Variants in CAMK1D observed in about 807,000 individuals in gnomAD.
CAMK1D encodes the protein calcium/calmodulin-dependent protein kinase type 1D.
CAMK1D carries 9 observed loss-of-function variants against 47.7 expected under a neutral mutation model. That is an observed-to-expected ratio of 0.19 (90% CI 0.11 to 0.33). The LOEUF (loss-of-function observed/expected upper bound fraction) is 0.33, where lower values mean the gene tolerates loss of function less well. Among genes scored for constraint, CAMK1D ranks in the 10% least tolerant of loss-of-function variants. CAMK1D has a pLI of 1.00. For missense variants in CAMK1D, 291 were observed against 488.7 expected (o/e 0.60, Z 3.81); for synonymous variants, 184 against 184.9 (o/e 0.99, Z 0.04).
chr10:12,666,169 TG>T (rs147262876), intron 2 of CAMK1D, among the ~76,000 whole-genome samples: 3,134 of 151,166 alleles, frequency 0.021, 130 homozygotes, highest in African/African-American at 0.073. Flanking sequence ...CATTTGGTAG[TG>T]GGGTGGGGTG....
intron 3 of CAMK1D, among the ~76,000 whole-genome samples, chr10:12,742,145 A>G (rs916968079): frequency 2.0e-5 from 3 of 152,054 alleles, no homozygotes; most frequent in Admixed American, 6.6e-5. Flanking sequence ...TGAGGTGTAT[A>G]TATATTTTTA....
chr10:12,441,693 C>G (rs2132013668), intron 1 of CAMK1D, among the ~76,000 whole-genome samples: 1 of 152,140 alleles, frequency 6.6e-6, no homozygotes, highest in Middle Eastern at 3.4e-3. Context: ...TGCCTGTAAT[C>G]CCAGCTACTC....
At chr10:12,599,550 A>G (rs1049256058) in intron 2 of CAMK1D, among the ~76,000 whole-genome samples, 5 of 152,204 alleles carry the variant, frequency 3.3e-5, no homozygotes, top group Non-Finnish European at 5.9e-5. Context: ...TGGCTCAGCA[A>G]TGCATTTGTG....
chr10:12,411,878 G>A (rs1359232647), intron 1 of CAMK1D, among the ~76,000 whole-genome samples: 2 of 151,798 alleles, frequency 1.3e-5, no homozygotes, highest in Non-Finnish European at 2.9e-5. Context: ...ACAGGCATGA[G>A]CCACTGTGCC....
rs182040118 is a variant in CAMK1D, at chr10:12,759,217, C to G, written c.300-1731C>G. On this transcript the variant is annotated intron_variant, in intron 3 of 10. Coordinates refer to ENST00000619168, the MANE Select transcript of CAMK1D (RefSeq NM_153498.4). ...TACAAAAATTAGCCGGGTGTGGTGG[C>G]ACGTACCTGTGGTCCCAGCTACTCA... 3.2e-3 allele frequency among the ~76,000 whole-genome samples: 488 copies of G among 152,242 alleles called. 3 individuals carry two copies. Among genetic ancestry groups the G allele is most frequent in the African/African-American group, 0.011 (471 of 41,540 alleles).
At chr10:12,701,988 C>T (rs767665333) in intron 3 of CAMK1D, among the ~76,000 whole-genome samples, 6 of 152,180 alleles carry the variant, frequency 3.9e-5, no homozygotes, top group African/African-American at 1.2e-4. Flanking sequence ...GGGCAGAGGG[C>T]GCAGTTATGA....
At chr10:12,826,970 G>A (rs530661250) in intron 10 of CAMK1D, among the ~76,000 whole-genome samples, 1 of 152,324 alleles carries the variant, frequency 6.6e-6, no homozygotes, top group South Asian at 2.1e-4. Context: ...AAGCTCAGTG[G>A]CGGCTGAGGC....
chr10:12,651,941 G>A (rs538847708), intron 2 of CAMK1D, among the ~76,000 whole-genome samples: 65 of 151,842 alleles, frequency 4.3e-4, no homozygotes, highest in East Asian at 2.0e-3. Flanking sequence ...ACCACGCCCC[G>A]CTAATTTTTT....
intron 8 of CAMK1D, among the ~76,000 whole-genome samples, chr10:12,823,945 G>A (rs1302637513): frequency 6.6e-6 from 1 of 151,948 alleles, no homozygotes; most frequent in African/African-American, 2.4e-5. Flanking sequence ...TGGTGCCCTG[G>A]GAGCAGCGCC....
In CAMK1D at chr10:12,789,551, C is replaced by T. The variant is rs535634498; in HGVS notation, c.566-1607C>T. On this transcript the variant is annotated intron_variant, in intron 5 of 10. Transcript: ENST00000619168. Reference sequence around the variant, plus strand: ...GAGTTCAAAGGATTGTAGCAGAAAACATTTATGAATGACTCACTCAGGACC... The same window carrying T: ...GAGTTCAAAGGATTGTAGCAGAAAATATTTATGAATGACTCACTCAGGACC... Among the ~76,000 whole-genome samples, 8 of 152,314 alleles carry T rather than the reference C, an allele frequency of 5.3e-5. No homozygotes were observed. The South Asian group carries it at 1.4e-3, about 28-fold the overall frequency.
In CAMK1D at chr10:12,828,893, C is replaced by G; in HGVS notation, c.*6C>G. 1 of 1,603,434 alleles carries G rather than the reference C, an allele frequency of 6.2e-7. No homozygotes were observed. On this transcript the variant is annotated 3_prime_UTR_variant, in exon 11 of 11. Coordinates refer to ENST00000619168, the MANE Select transcript of CAMK1D (RefSeq NM_153498.4). ...TGCACTCTGGAAGCAAGTGACTGGC[C>G]CTGGAGGTGGGGCCCGGGGTCGGGG... is the stretch of plus-strand genomic sequence containing the variant.
chr10:12,686,533 G>A (rs1488429747), intron 3 of CAMK1D, among the ~76,000 whole-genome samples: 1 of 151,870 alleles, frequency 6.6e-6, no homozygotes, highest in Non-Finnish European at 1.5e-5. Context: ...CATGTTGGTC[G>A]GGCTGGTCTG....
chr10:12,677,910 G>C (rs1287331570), intron 3 of CAMK1D, among the ~76,000 whole-genome samples: 2 of 152,126 alleles, frequency 1.3e-5, no homozygotes. Flanking sequence ...CAATACCTCT[G>C]GTTGCTACTG....
At chr10:12,455,465 T>C (rs1371977395) in intron 1 of CAMK1D, among the ~76,000 whole-genome samples, 1 of 152,222 alleles carries the variant, frequency 6.6e-6, no homozygotes, top group Admixed American at 6.5e-5. Flanking sequence ...TGAGCCACTA[T>C]GTCCAGCCTG....
chr10:12,597,672 T>G (rs1272850461), intron 2 of CAMK1D, among the ~76,000 whole-genome samples: 1 of 152,166 alleles, frequency 6.6e-6, no homozygotes, highest in Non-Finnish European at 1.5e-5. Flanking sequence ...CTTCCTGACT[T>G]TAAATCCTTG....
intron 1 of CAMK1D, among the ~76,000 whole-genome samples, chr10:12,372,685 G>A (rs1838039301): frequency 6.6e-6 from 1 of 152,172 alleles, no homozygotes; most frequent in South Asian, 2.1e-4. Flanking sequence ...GCTCACTGCA[G>A]CCTCGTGATC....
rs765046805 is a variant in CAMK1D, at chr10:12,791,162, T to C, written c.570T>C (p.Pro190=). 3.1e-6 allele frequency: 5 copies of C among 1,614,156 alleles called. No homozygotes were observed. The South Asian group carries it at 5.5e-5, about 18-fold the overall frequency. Residue 190 remains proline (P), a synonymous_variant, in exon 6 of 11, where the codon CCT becomes CCC. Transcript: ENST00000619168. ...CTTTTCTTTGTCTTTCTGCAGCTCCTGAAGTCCTCGCCCAGAAACCTTACA... is the reference window on the plus strand; with the variant it reads ...CTTTTCTTTGTCTTTCTGCAGCTCCCGAAGTCCTCGCCCAGAAACCTTACA... ...TACGTPGYVA[P]EVLAQKPYSK...
At chr10:12,801,322 T>TATCTA (rs1554827601) in intron 6 of CAMK1D, among the ~76,000 whole-genome samples, 9 of 114,764 alleles carry the variant, frequency 7.8e-5, no homozygotes, top group South Asian at 6.0e-4. Flanking sequence ...TCTATCTATC[T>TATCTA]ATCTATCTAT....
chr10:12,426,146 T>C (rs1470832823), intron 1 of CAMK1D, among the ~76,000 whole-genome samples: 1 of 152,254 alleles, frequency 6.6e-6, no homozygotes, highest in Admixed American at 6.5e-5. Flanking sequence ...CCATGCAGTA[T>C]TTAGGCTTGA....
Sources: allele counts gnomAD v4.1 joint callset (sites outside exome capture counted in the v4.1 genomes callset), GRCh38; gene constraint gnomAD v4.1.1; transcripts MANE v1.5; gene names NCBI Gene and HGNC (gene_info 2026-07-23, HGNC 2026-07-21).